Variants in SYNE1 observed in about 807,000 individuals in gnomAD.
SYNE1 encodes spectrin repeat containing nuclear envelope protein 1.
A neutral mutation model predicts 1,111.0 loss-of-function variants in SYNE1; 616 were observed. That is an observed-to-expected ratio of 0.55 (90% CI 0.52 to 0.59). The LOEUF (loss-of-function observed/expected upper bound fraction) is 0.59. Ranked by LOEUF, SYNE1 falls within the 20% of genes least tolerant of loss-of-function variation. The pLI is 0.00. For synonymous variants in SYNE1, 3,855 were observed against 3,825.8 expected (o/e 1.01, Z -0.28); for missense variants, 10,006 against 10,417.0 (o/e 0.96, Z 1.72).
intron 16 of SYNE1, among the ~76,000 whole-genome samples, chr6:152,470,977 C>G (rs1383503373): frequency 6.6e-6 from 1 of 152,100 alleles, no homozygotes; most frequent in Non-Finnish European, 1.5e-5. Flanking sequence ...ATTCTTTCAT[C>G]AATGCAGGTC....
chr6:152,162,364 A>C (rs1488381504), intron 131 of SYNE1, among the ~76,000 whole-genome samples: 1 of 152,114 alleles, frequency 6.6e-6, no homozygotes, highest in Non-Finnish European at 1.5e-5. Flanking sequence ...TCTCTTTGCC[A>C]TTGTGGTTTT....
intron 95 of SYNE1, among the ~76,000 whole-genome samples, chr6:152,289,649 C>CG (rs1562812707): frequency 6.6e-6 from 1 of 151,982 alleles, no homozygotes; most frequent in African/African-American, 2.4e-5. Flanking sequence ...TTTTTTGAGA[C>CG]GGAGTCTCGC....
At chr6:152,440,074 G>C (rs148619408) in intron 32 of SYNE1, among the ~76,000 whole-genome samples, 1 of 151,978 alleles carries the variant, frequency 6.6e-6, no homozygotes, top group Non-Finnish European at 1.5e-5. Flanking sequence ...CAACATTTTC[G>C]TCACTCACTC....
intron 133 of SYNE1, among the ~76,000 whole-genome samples, chr6:152,154,445 TACAC>T (rs56398921): frequency 0.032 from 4,550 of 143,194 alleles, 112 homozygotes; most frequent in African/African-American, 0.066. Flanking sequence ...TTTTATCAAA[TACAC>T]ACACACACAC....
chr6:152,361,570 G>A (rs2096931511), intron 64 of SYNE1, among the ~76,000 whole-genome samples: 1 of 152,140 alleles, frequency 6.6e-6, no homozygotes, highest in Non-Finnish European at 1.5e-5. Flanking sequence ...CAGGAATAGA[G>A]AATGTGAGAG....
At chr6:152,517,265 G>A (rs1004355174) in intron 6 of SYNE1, among the ~76,000 whole-genome samples, 4 of 152,194 alleles carry the variant, frequency 2.6e-5, no homozygotes, top group African/African-American at 9.6e-5. Flanking sequence ...TATAAACTGA[G>A]AAGGAAATAA....
chr6:152,230,168 G>T (rs2082446993), intron 115 of SYNE1, among the ~76,000 whole-genome samples: 1 of 152,010 alleles, frequency 6.6e-6, no homozygotes, highest in Admixed American at 6.6e-5. Flanking sequence ...GAGTAGCTGG[G>T]ACTACAGGGA....
At chr6:152,459,952 A>G (rs1564186447) in intron 21 of SYNE1, among the ~76,000 whole-genome samples, 1 of 152,016 alleles carries the variant, frequency 6.6e-6, no homozygotes, top group Non-Finnish European at 1.5e-5. Flanking sequence ...TCATCAAAAG[A>G]AAGTTACCAT....
At chr6:152,488,644 C>A in intron 11 of SYNE1, 141 bp from the exon 12 acceptor site, 1 of 583,580 alleles carries the variant, frequency 1.7e-6, no homozygotes, top group Non-Finnish European at 3.0e-6. Context: ...TCCTTACCCC[C>A]ACCTTTAGGA....
chr6:152,618,843 G>T (rs1201423441), intron 3 of SYNE1, among the ~76,000 whole-genome samples: 1 of 152,180 alleles, frequency 6.6e-6, no homozygotes, highest in East Asian at 1.9e-4. Context: ...GAAACAAATA[G>T]AAAATTATCA....
At chr6:152,507,790 A>G (rs1483870830) in intron 8 of SYNE1, among the ~76,000 whole-genome samples, 1 of 152,244 alleles carries the variant, frequency 6.6e-6, no homozygotes, top group Non-Finnish European at 1.5e-5. Flanking sequence ...AATGTAAGAT[A>G]TGCTATAACT....
chr6:152,246,119 T>C (rs183727581), intron 105 of SYNE1, among the ~76,000 whole-genome samples: 1 of 152,274 alleles, frequency 6.6e-6, no homozygotes, highest in African/African-American at 2.4e-5. Flanking sequence ...AACAAATAAA[T>C]GGTCCATAGA....
chr6:152,591,021 T>C (rs2099559487), intron 3 of SYNE1, among the ~76,000 whole-genome samples: 1 of 152,246 alleles, frequency 6.6e-6, no homozygotes, highest in South Asian at 2.1e-4. Context: ...TCTATGAGTA[T>C]GAAATGTTTT....
intron 21 of SYNE1, 118 bp downstream of exon 21, chr6:152,461,479 A>T: frequency 7.7e-7 from 1 of 1,302,702 alleles, no homozygotes; most frequent in Non-Finnish European, 1.1e-6. Context: ...AATCCCAATT[A>T]GAAACAAAAG....
At chr6:152,582,610 G>A (rs945860282) in intron 3 of SYNE1, among the ~76,000 whole-genome samples, 8 of 151,602 alleles carry the variant, frequency 5.3e-5, no homozygotes, top group African/African-American at 1.9e-4. Context: ...TTAGATCCAT[G>A]GGGTACATGT....
chr6:152,240,543 G>A lies in SYNE1; in HGVS notation c.19894-837C>T, dbSNP rs570272475. The stretch of plus-strand genomic sequence containing the variant: ...TACCGTTTGTGTATAATAGACCCTG[G>A]AGAATGGAGATTGAGCTTATCTCAT... On this transcript the variant is annotated intron_variant, in intron 107 of 145. Coordinates refer to ENST00000367255, the MANE Select transcript of SYNE1 (RefSeq NM_182961.4). Among the ~76,000 whole-genome samples the A allele has an allele frequency of 1.1e-4, 17 of 152,290 alleles. 1 individual carries two copies. The South Asian group carries it at 3.5e-3, about 32-fold the overall frequency.
At chr6:152,400,540 G>A (rs987630529) in intron 47 of SYNE1, among the ~76,000 whole-genome samples, 2 of 152,128 alleles carry the variant, frequency 1.3e-5, no homozygotes, top group Non-Finnish European at 2.9e-5. Context: ...GTGGGTGCCT[G>A]TAGTTCCAAC....
chr6:152,248,517 T>C lies in SYNE1; in HGVS notation c.19572+644A>G, dbSNP rs186333999. On this transcript the variant is annotated intron_variant, in intron 105 of 145. Transcript: ENST00000367255. ...AAATAAAGTGTACAGGTAACTAGTT[T>C]ATAGAATAAAGTCCAAAGTCACACA... Among the ~76,000 whole-genome samples the C allele has an allele frequency of 1.3e-3, 191 of 152,282 alleles. 1 individual carries two copies. Among genetic ancestry groups the C allele is most frequent in the African/African-American group, 4.5e-3 (185 of 41,564 alleles).
chr6:152,348,460 G>C (rs928386675), intron 72 of SYNE1, among the ~76,000 whole-genome samples: 1 of 152,170 alleles, frequency 6.6e-6, no homozygotes, highest in African/African-American at 2.4e-5. Flanking sequence ...TGAGACTGGT[G>C]GATCACCTGA....
Sources: allele counts gnomAD v4.1 joint callset (sites outside exome capture counted in the v4.1 genomes callset), GRCh38; gene constraint gnomAD v4.1.1; transcripts MANE v1.5; gene names NCBI Gene and HGNC (gene_info 2026-07-23, HGNC 2026-07-21).